SEMA6A: variants seen among roughly 807,000 people sequenced by gnomAD.
SEMA6A encodes the protein semaphorin 6A.
Under a neutral mutation model 96.8 loss-of-function variants are expected in SEMA6A, and 25 were observed. The observed-to-expected ratio is 0.26, with a 90% CI of 0.19 to 0.36. The LOEUF is 0.36. SEMA6A is among the 10% of genes least tolerant of loss of function. The pLI is 1.00. For missense variants in SEMA6A, 1,363 were observed against 1,323.1 expected (o/e 1.03, Z -0.47); for synonymous variants, 612 against 518.0 (o/e 1.18, Z -2.46).
Position 116,456,970 on chromosome 5 carries a change from G to A in SEMA6A, c.1895-9159C>T, listed in dbSNP as rs557379381. Among the ~76,000 whole-genome samples the A allele has an allele frequency of 7.2e-5, 11 of 152,238 alleles. No individual in the cohort carries two copies. The East Asian group carries it at 1.2e-3, about 16-fold the overall frequency. ...GAAGGTTCTTCTCCTTTATATTCCC[G>A]GGGTGAAAAGAGGGACTTGAGTTCA... On this transcript the variant is annotated intron_variant, in intron 18 of 18. Coordinates refer to ENST00000343348, the MANE Select transcript of SEMA6A (RefSeq NM_020796.5).
In SEMA6A at chr5:116,446,567, C is replaced by G; in HGVS notation, c.*46G>C. The stretch of plus-strand genomic sequence containing the variant: ...AGAACCTTGCTGAGCTGAGCGGGCA[C>G]CTCGCCTTGCCTGCTGGTTCGACAC... On this transcript the variant is annotated 3_prime_UTR_variant, in exon 19 of 19. Coordinates refer to ENST00000343348, the MANE Select transcript of SEMA6A (RefSeq NM_020796.5). 1 of 1,436,886 alleles carries G rather than the reference C, an allele frequency of 7.0e-7. No individual in the cohort carries two copies. Among genetic ancestry groups the G allele is most frequent in the Non-Finnish European group, 9.2e-7 (1 of 1,085,056 alleles). The allele number at this position is 1,436,886 out of a possible 1,614,324, so 89.0% of individuals were successfully genotyped here.
chr5:116,517,421 G>A (rs545700546), intron 1 of SEMA6A, among the ~76,000 whole-genome samples: 10 of 151,892 alleles, frequency 6.6e-5, no homozygotes, highest in South Asian at 2.1e-4. Flanking sequence ...AAATGAGAAC[G>A]TCTCTTAATT....
chr5:116,563,282 G>T (rs1760891892), intron 1 of SEMA6A, among the ~76,000 whole-genome samples: 1 of 152,148 alleles, frequency 6.6e-6, no homozygotes, highest in African/African-American at 2.4e-5. Flanking sequence ...CAGCAATTTT[G>T]ATAGGTAAAT....
intron 1 of SEMA6A, among the ~76,000 whole-genome samples, chr5:116,553,422 G>A (rs776785295): frequency 2.6e-5 from 4 of 152,170 alleles, no homozygotes; most frequent in Non-Finnish European, 4.4e-5. Context: ...CTGATGCCTT[G>A]TGGTCCCTTG....
chr5:116,486,960 A>G lies in SEMA6A; in HGVS notation c.751T>C (p.Phe251Leu), dbSNP rs1757078596. ...TTACAAACCTGAGCCACTCTTGGGA[A>G]AACTACCTGCAGAGGAAAAACACAT... ...VEYNTMGKVV[F>L]PRVAQVCKND... The change falls in exon 10 of 19, where the codon TTC (phenylalanine) becomes CTC (leucine). Residue 251 changes from phenylalanine (F) to leucine (L), a missense_variant. Around this residue, in one of 2 missense-constraint regions of SEMA6A, gnomAD observed 480 missense variants for 559.5 expected, o/e 0.86. Transcript: ENST00000343348. 8 of 1,612,712 alleles carry G rather than the reference A, an allele frequency of 5.0e-6. No homozygotes were observed. Among genetic ancestry groups the G allele is most frequent in the Non-Finnish European group, 6.8e-6 (8 of 1,178,868 alleles).
chr5:116,449,025 G>T (rs1327768188), intron 18 of SEMA6A, among the ~76,000 whole-genome samples: 2 of 152,216 alleles, frequency 1.3e-5, no homozygotes, highest in Admixed American at 6.5e-5. Context: ...CCAGGATTCA[G>T]TGTTTCTGAA....
At chr5:116,502,572 A>G (rs1162763966) in intron 2 of SEMA6A, 1 of 432,918 alleles carries the variant, frequency 2.3e-6, no homozygotes, top group African/African-American at 2.0e-5. Flanking sequence ...TCTAAGTGTC[A>G]CAATTTTTGA....
chr5:116,550,308 G>C (rs146498326), intron 1 of SEMA6A: 41 of 152,190 alleles, frequency 2.7e-4, no homozygotes, highest in African/African-American at 9.9e-4. Flanking sequence ...TTTTAAGAAA[G>C]GAGAGATTAC....
intron 1 of SEMA6A, chr5:116,562,758 A>T: frequency 4.1e-6 from 3 of 734,146 alleles, no homozygotes; most frequent in South Asian, 4.0e-5. Context: ...GCAGACCGAG[A>T]TGAATCTTTG....
intron 1 of SEMA6A, among the ~76,000 whole-genome samples, chr5:116,505,455 A>ATG (rs1462484485): frequency 1.3e-5 from 2 of 148,610 alleles, no homozygotes; most frequent in South Asian, 2.1e-4. Context: ...AGACACACGC[A>ATG]CGCGCACACA....
intron 4 of SEMA6A, among the ~76,000 whole-genome samples, chr5:116,496,566 A>C (rs1757612589): frequency 6.6e-6 from 1 of 152,232 alleles, no homozygotes; most frequent in Non-Finnish European, 1.5e-5. Flanking sequence ...GAAGGAGAAA[A>C]GAAAGAAGAA....
At position 116,488,883 on chromosome 5, in the gene SEMA6A, T is replaced by C; in HGVS notation, c.655+5A>G. The C allele has an allele frequency of 6.4e-7, 1 of 1,559,552 alleles. No individual in the cohort carries two copies. Among genetic ancestry groups the C allele is most frequent in the Non-Finnish European group, 8.7e-7 (1 of 1,150,894 alleles). ...CGACCCTCCTTCTTTTAATTGTTTG[T>C]TCACCTTTCAACCATTTTGAATCGT... On this transcript the variant is annotated splice_donor_5th_base_variant and intron_variant, in intron 8 of 18. Coordinates refer to ENST00000343348, the MANE Select transcript of SEMA6A (RefSeq NM_020796.5).
At chr5:116,477,261 A>C (rs1429008341) in intron 15 of SEMA6A, among the ~76,000 whole-genome samples, 1 of 151,786 alleles carries the variant, frequency 6.6e-6, no homozygotes, top group Non-Finnish European at 1.5e-5. Context: ...AAACACCAAA[A>C]TCATAGGCAT....
Position 116,478,611 on chromosome 5 carries a change from C to T in SEMA6A, c.1358G>A (p.Arg453Lys). Residue 453 changes from arginine (R) to lysine (K), a missense_variant, in exon 13 of 19, where the codon AGA (arginine) becomes AAA (lysine). By Grantham distance (26) the Arg-to-Lys change is conservative (BLOSUM62 2). Coordinates refer to ENST00000343348, the MANE Select transcript of SEMA6A (RefSeq NM_020796.5). Reference protein sequence around the residue: ...EKGIILKFLARIGNSGFLNDS... With the variant: ...EKGIILKFLAKIGNSGFLNDS... Reference sequence around the variant, plus strand: ...ATTTAGAAAACCACTATTTCCTATTCTGGCCAAAAACTTCAAGATGATTCC... The same window carrying T: ...ATTTAGAAAACCACTATTTCCTATTTTGGCCAAAAACTTCAAGATGATTCC... 1 of 1,613,514 alleles carries T rather than the reference C, an allele frequency of 6.2e-7. No homozygotes were observed. The highest frequency in any genetic ancestry group is 8.5e-7 in the Non-Finnish European group (1 of 1,179,738).
At chr5:116,505,640 G>T (rs957088215) in intron 1 of SEMA6A, among the ~76,000 whole-genome samples, 4 of 152,144 alleles carry the variant, frequency 2.6e-5, no homozygotes, top group African/African-American at 9.7e-5. Context: ...TTCACACTCT[G>T]AAGATTACTA....
At chr5:116,496,162 A>C in intron 5 of SEMA6A, 89 bp downstream of exon 5, 1 of 1,118,636 alleles carries the variant, frequency 8.9e-7, no homozygotes, top group Non-Finnish European at 1.3e-6. Context: ...AAAAAGCACA[A>C]TCCATTCTAC....
intron 18 of SEMA6A, among the ~76,000 whole-genome samples, chr5:116,460,063 T>TA (rs1230509995): frequency 6.9e-6 from 1 of 145,696 alleles, no homozygotes; most frequent in Non-Finnish European, 1.5e-5. Flanking sequence ...GATAAAAAAA[T>TA]AAAAATAAAA....
chr5:116,460,909 C>G (rs1175254432), intron 18 of SEMA6A, among the ~76,000 whole-genome samples: 2 of 151,582 alleles, frequency 1.3e-5, no homozygotes, highest in Non-Finnish European at 2.9e-5. Flanking sequence ...CCTCAGCTTC[C>G]CAAGTAGCTG....
At chr5:116,544,684 C>T (rs896118719) in intron 1 of SEMA6A, among the ~76,000 whole-genome samples, 2 of 152,146 alleles carry the variant, frequency 1.3e-5, no homozygotes, top group Non-Finnish European at 2.9e-5. Context: ...CAATGTTTCT[C>T]TAACTTGGTA....
Sources: allele counts gnomAD v4.1 joint callset (sites outside exome capture counted in the v4.1 genomes callset), GRCh38; gene constraint gnomAD v4.1.1; regional missense constraint gnomAD v4.1.1; transcripts MANE v1.5; gene names NCBI Gene and HGNC (gene_info 2026-07-23, HGNC 2026-07-21).